ARHGAP15: variants seen among roughly 807,000 people sequenced by gnomAD.
ARHGAP15 encodes Rho GTPase activating protein 15.
Under a neutral mutation model 63.7 loss-of-function variants are expected in ARHGAP15, and 51 were observed. That is an observed-to-expected ratio of 0.80 (90% CI 0.64 to 1.01). The LOEUF (loss-of-function observed/expected upper bound fraction) is 1.01. ARHGAP15 is among the 50% of genes least tolerant of loss of function. ARHGAP15 has a pLI of 0.00. For synonymous variants in ARHGAP15, 191 were observed against 193.8 expected, an observed-to-expected ratio of 0.99 and a Z score of 0.12; for missense variants, 560 against 564.6, an observed-to-expected ratio of 0.99 and a Z score of 0.08.
At chr2:143,519,444 G>A in intron 10 of ARHGAP15, 80 bp downstream of exon 10, 1 of 1,111,746 alleles carries the variant, frequency 9.0e-7, no homozygotes, top group Non-Finnish European at 1.3e-6. Context: ...AGTGCCACCT[G>A]ATTTGTCTGA....
At chr2:143,264,494 C>T (rs550975439) in intron 6 of ARHGAP15, among the ~76,000 whole-genome samples, 1 of 152,212 alleles carries the variant, frequency 6.6e-6, no homozygotes, top group African/African-American at 2.4e-5. Context: ...ACATGACAGC[C>T]TGGACCTGCT....
chr2:143,426,430 A>G (rs1055169959), intron 6 of ARHGAP15, among the ~76,000 whole-genome samples: 5 of 152,158 alleles, frequency 3.3e-5, no homozygotes, highest in African/African-American at 7.2e-5. Flanking sequence ...TGAGTAATGA[A>G]TAAGTCAGAG....
At chr2:143,434,545 C>A (rs183403092) in intron 6 of ARHGAP15, among the ~76,000 whole-genome samples, 1 of 152,138 alleles carries the variant, frequency 6.6e-6, no homozygotes, top group East Asian at 1.9e-4. Flanking sequence ...ATTTTCTGAA[C>A]CTGTGCCACA....
At chr2:143,363,580 C>G (rs1431766214) in intron 6 of ARHGAP15, among the ~76,000 whole-genome samples, 4 of 152,144 alleles carry the variant, frequency 2.6e-5, no homozygotes, top group Non-Finnish European at 5.9e-5. Flanking sequence ...CAAATTTTAC[C>G]TGCTTGCCAA....
At chr2:143,238,784 G>A (rs184944441) in intron 5 of ARHGAP15, among the ~76,000 whole-genome samples, 226 of 152,272 alleles carry the variant, frequency 1.5e-3, no homozygotes, top group African/African-American at 5.2e-3. Context: ...CAAAGACATG[G>A]AATCAACCTA....
intron 6 of ARHGAP15, among the ~76,000 whole-genome samples, chr2:143,316,377 C>T (rs1683709860): frequency 6.6e-6 from 1 of 151,746 alleles, no homozygotes; most frequent in Non-Finnish European, 1.5e-5. Context: ...AGTTTGAATG[C>T]ACAATAAAAT....
chr2:143,588,271 T>C (rs1009929306), intron 11 of ARHGAP15, among the ~76,000 whole-genome samples: 2 of 152,200 alleles, frequency 1.3e-5, no homozygotes, highest in Non-Finnish European at 2.9e-5. Context: ...TTTCCTAATA[T>C]TGGAGAAAAT....
chr2:143,418,713 G>C (rs1278678559), intron 6 of ARHGAP15, among the ~76,000 whole-genome samples: 1 of 152,092 alleles, frequency 6.6e-6, no homozygotes, highest in African/African-American at 2.4e-5. Context: ...TGTAAATAAG[G>C]TTGTCCCATG....
At chr2:143,152,408 C>T (rs945737576) in intron 1 of ARHGAP15, among the ~76,000 whole-genome samples, 1 of 151,982 alleles carries the variant, frequency 6.6e-6, no homozygotes, top group African/African-American at 2.4e-5. Flanking sequence ...GACTTCCTCT[C>T]TCTCCACCTC....
chr2:143,736,217 G>T (rs547968703), intron 13 of ARHGAP15, among the ~76,000 whole-genome samples: 1 of 152,110 alleles, frequency 6.6e-6, no homozygotes, highest in Non-Finnish European at 1.5e-5. Context: ...GACCAACATG[G>T]TGAAACCTTG....
Position 143,478,469 on chromosome 2 carries a change from G to A in ARHGAP15, c.704-8904G>A, listed in dbSNP as rs555729832. ...ACCATCTCTCTATGTCCTTAGACACGGTGACAGCATTGCCACACAGATGGA... is the reference window on the plus strand; with the variant it reads ...ACCATCTCTCTATGTCCTTAGACACAGTGACAGCATTGCCACACAGATGGA... On this transcript the variant is annotated intron_variant, in intron 8 of 13. Transcript: ENST00000295095. Among the ~76,000 whole-genome samples the A allele has an allele frequency of 2.0e-5, 3 of 152,278 alleles. No homozygotes were observed. The South Asian group carries it at 6.2e-4, about 32-fold the overall frequency.
In ARHGAP15 at chr2:143,318,590, G is replaced by A. The variant is rs773460832; in HGVS notation, c.474+67990G>A. Among the ~76,000 whole-genome samples, 27 of 113,266 alleles carry A rather than the reference G, an allele frequency of 2.4e-4. 1 individual carries two copies. In the Admixed American group the frequency reaches 2.7e-3, roughly 11 times the overall value. The allele number at this position is 113,266 out of a possible 152,430, so 74.3% of individuals were successfully genotyped here. On this transcript the variant is annotated intron_variant, in intron 6 of 13. Coordinates refer to ENST00000295095, the MANE Select transcript of ARHGAP15 (RefSeq NM_018460.4). ...TTTCCTATATTCAAAAGCAACTTTC[G>A]TTTATTGGGTGGTAAACTGCTTACA...
intron 1 of ARHGAP15, among the ~76,000 whole-genome samples, chr2:143,148,502 T>A (rs1689682232): frequency 6.6e-6 from 1 of 152,040 alleles, no homozygotes; most frequent in South Asian, 2.1e-4. Context: ...ATTCTACTTT[T>A]AAAAAATATT....
At chr2:143,302,580 T>C (rs1305344911) in intron 6 of ARHGAP15, among the ~76,000 whole-genome samples, 1 of 152,066 alleles carries the variant, frequency 6.6e-6, no homozygotes, top group Non-Finnish European at 1.5e-5. Flanking sequence ...TTATGAATTT[T>C]ATGACAAAAG....
At chr2:143,307,684 A>T (rs1169707589) in intron 6 of ARHGAP15, among the ~76,000 whole-genome samples, 1 of 152,146 alleles carries the variant, frequency 6.6e-6, no homozygotes, top group Non-Finnish European at 1.5e-5. Context: ...ACGAAAAAAA[A>T]TTTCAAATAC....
intron 6 of ARHGAP15, among the ~76,000 whole-genome samples, chr2:143,386,424 G>A (rs767748408): frequency 1.3e-5 from 2 of 152,222 alleles, no homozygotes; most frequent in African/African-American, 2.4e-5. Context: ...GGGAAAAAAC[G>A]AGAAAGCACA....
At chr2:143,336,570 T>C (rs566665155) in intron 6 of ARHGAP15, among the ~76,000 whole-genome samples, 1 of 56,136 alleles carries the variant, frequency 1.8e-5, no homozygotes, top group East Asian at 6.2e-3. Context: ...GATTCTGCAG[T>C]TTAAAAAAAA....
chr2:143,673,903 G>C (rs1352246047), intron 12 of ARHGAP15, among the ~76,000 whole-genome samples: 3 of 150,246 alleles, frequency 2.0e-5, no homozygotes, highest in African/African-American at 7.3e-5. Flanking sequence ...AAAGTTTCTT[G>C]ATATTAAAAG....
chr2:143,350,662 TAAAA>T (rs34082157), intron 6 of ARHGAP15, among the ~76,000 whole-genome samples: 1 of 126,546 alleles, frequency 7.9e-6, no homozygotes, highest in Non-Finnish European at 1.7e-5. Context: ...TATTAAAAAT[TAAAA>T]AAAAAAAAAA....
Sources: allele counts gnomAD v4.1 joint callset (sites outside exome capture counted in the v4.1 genomes callset), GRCh38; gene constraint gnomAD v4.1.1; transcripts MANE v1.5; gene names NCBI Gene and HGNC (gene_info 2026-07-23, HGNC 2026-07-21).